The following LRP1B variants were observed in gnomAD, a reference collection of about 807,000 sequenced individuals.
The protein encoded by LRP1B is low-density lipoprotein receptor-related protein 1B.
Under a neutral mutation model 556.6 loss-of-function variants are expected in LRP1B, and 217 were observed. The observed-to-expected ratio is 0.39, with a 90% CI of 0.35 to 0.44. The LOEUF (loss-of-function observed/expected upper bound fraction) is 0.44. Among genes scored for constraint, LRP1B ranks in the 20% least tolerant of loss-of-function variants. The pLI, the probability that LRP1B is intolerant of heterozygous loss-of-function variation, is 1.00. For synonymous variants in LRP1B, 2,047 were observed against 1,865.8 expected, an observed-to-expected ratio of 1.10 and a Z score of -2.50; for missense variants, 5,053 against 5,620.8, an observed-to-expected ratio of 0.90 and a Z score of 3.23.
At chr2:140,878,341 G>A (rs755579313) in intron 25 of LRP1B, among the ~76,000 whole-genome samples, 3 of 152,012 alleles carry the variant, frequency 2.0e-5, no homozygotes, top group Non-Finnish European at 2.9e-5. Flanking sequence ...AGATAAGATT[G>A]TTTTGTATAA....
chr2:141,424,252 T>TACA (rs759500001), intron 3 of LRP1B, among the ~76,000 whole-genome samples: 2 of 152,072 alleles, frequency 1.3e-5, no homozygotes, highest in African/African-American at 2.4e-5. Context: ...TAGCTGGGAT[T>TACA]ACAGGCATGC....
At chr2:140,781,343 C>A (rs1292281957) in intron 32 of LRP1B, among the ~76,000 whole-genome samples, 1 of 152,166 alleles carries the variant, frequency 6.6e-6, no homozygotes, top group African/African-American at 2.4e-5. Flanking sequence ...GCTTAAGATT[C>A]TTCAAAGCCT....
chr2:140,917,182 C>T (rs568519090), intron 21 of LRP1B, among the ~76,000 whole-genome samples: 2 of 152,178 alleles, frequency 1.3e-5, no homozygotes, highest in African/African-American at 4.8e-5. Context: ...AAATCTGGAA[C>T]AGTAACAACA....
At chr2:140,808,531 T>A (rs1226455626) in intron 32 of LRP1B, among the ~76,000 whole-genome samples, 1 of 152,098 alleles carries the variant, frequency 6.6e-6, no homozygotes, top group African/African-American at 2.4e-5. Context: ...CCCATAAACT[T>A]CCTTATCTAT....
At chr2:142,012,749 T>C (rs1702995623) in intron 1 of LRP1B, among the ~76,000 whole-genome samples, 2 of 152,180 alleles carry the variant, frequency 1.3e-5, no homozygotes, top group South Asian at 4.1e-4. Flanking sequence ...TAATCTACTC[T>C]TAGAAATTAA....
At chr2:141,254,161 A>G (rs1345634204) in intron 4 of LRP1B, among the ~76,000 whole-genome samples, 1 of 152,130 alleles carries the variant, frequency 6.6e-6, no homozygotes, top group Non-Finnish European at 1.5e-5. Context: ...ACATTACATG[A>G]TTAGCAATTA....
chr2:140,533,898 A>G (rs1690829544), intron 47 of LRP1B, 123 bp downstream of exon 47: 2 of 991,630 alleles, frequency 2.0e-6, no homozygotes, highest in East Asian at 5.2e-5. Flanking sequence ...AGCATTTACC[A>G]AAGTGTGATC....
intron 6 of LRP1B, among the ~76,000 whole-genome samples, chr2:141,214,781 C>T (rs1363472725): frequency 6.6e-6 from 1 of 152,190 alleles, no homozygotes; most frequent in African/African-American, 2.4e-5. Context: ...GAATAAAAGC[C>T]GGTAGTCACT....
rs34597866 is a variant in LRP1B at position 140,375,173 on chromosome 2, ATGTGTGTGTGTGTGTG to A, written c.10639-2052_10639-2037del. ...ACTCATTGATTTTTATACTGTGTGT[ATGTGTGTGTGTGTGTG>A]TGTGTGTGTGTGTGTGTGTTTTAAT... On this transcript the variant is annotated intron_variant, in intron 68 of 90. Transcript: ENST00000389484. 5.9e-3 allele frequency among the ~76,000 whole-genome samples: 851 copies of A among 144,224 alleles called. 6 individuals are homozygous for A. The highest frequency in any genetic ancestry group is 0.021 in the African/African-American group (824 of 39,590). 94.6% of individuals were successfully genotyped at this position (144,224 alleles called of 152,430 possible). A position where few individuals can be genotyped will look rare whatever the true frequency, so the allele number is the denominator to read the frequency against.
At chr2:140,251,844 T>A (rs1232903842) in intron 86 of LRP1B, among the ~76,000 whole-genome samples, 3 of 151,502 alleles carry the variant, frequency 2.0e-5, no homozygotes, top group Admixed American at 1.3e-4. Context: ...GGATTTTGCA[T>A]AATGGTGAAG....
intron 1 of LRP1B, among the ~76,000 whole-genome samples, chr2:142,066,667 C>T (rs141927404): frequency 3.3e-5 from 5 of 151,554 alleles, no homozygotes; most frequent in South Asian, 2.1e-4. Context: ...CATTGACTTC[C>T]GTATTTCTAC....
At chr2:141,321,181 T>C (rs1687224373) in intron 3 of LRP1B, among the ~76,000 whole-genome samples, 1 of 152,114 alleles carries the variant, frequency 6.6e-6, no homozygotes, top group Non-Finnish European at 1.5e-5. Context: ...ACCTCAGTAC[T>C]CTTGAAGCTT....
At chr2:140,395,935 T>TG (rs200270337) in intron 66 of LRP1B, among the ~76,000 whole-genome samples, 1,852 of 151,898 alleles carry the variant, frequency 0.012, 18 homozygotes, top group Non-Finnish European at 0.019. Flanking sequence ...ATGAAGTGAG[T>TG]GGGGGGGAAG....
At chr2:141,803,650 A>G (rs2164698) in intron 2 of LRP1B, among the ~76,000 whole-genome samples, 37,284 of 151,924 alleles carry the variant, frequency 0.25, 4,768 homozygotes, top group African/African-American at 0.31. Context: ...CTAAATCACC[A>G]TTACTTAGAA....
At chr2:140,933,476 T>G (rs1007837320) in intron 20 of LRP1B, among the ~76,000 whole-genome samples, 1 of 152,070 alleles carries the variant, frequency 6.6e-6, no homozygotes, top group Non-Finnish European at 1.5e-5. Context: ...TCATTAATCA[T>G]AACTTGAGAA....
chr2:140,674,301 C>T (rs190433367), intron 41 of LRP1B, among the ~76,000 whole-genome samples: 8 of 152,268 alleles, frequency 5.3e-5, no homozygotes, highest in African/African-American at 1.9e-4. Context: ...ATAACATAAC[C>T]AGCTCTTTCT....
chr2:140,313,775 G>T (rs1393631240), intron 83 of LRP1B, among the ~76,000 whole-genome samples: 1 of 151,708 alleles, frequency 6.6e-6, no homozygotes, highest in African/African-American at 2.4e-5. Flanking sequence ...AATTTTTTCT[G>T]TAGTAACAGA....
chr2:140,943,861 C>T (rs1695469402), intron 20 of LRP1B, among the ~76,000 whole-genome samples: 1 of 151,800 alleles, frequency 6.6e-6, no homozygotes, highest in Non-Finnish European at 1.5e-5. Context: ...ACATAAGGAA[C>T]TAGAAAATCA....
intron 87 of LRP1B, among the ~76,000 whole-genome samples, chr2:140,242,918 T>C (rs1047945814): frequency 6.6e-6 from 1 of 151,216 alleles, no homozygotes; most frequent in Non-Finnish European, 1.5e-5. Context: ...GAACATCTAC[T>C]GAATTTATTG....
Sources: gnomAD v4.1 joint callset for allele counts (sites outside exome capture counted in the v4.1 genomes callset) on GRCh38, gnomAD v4.1.1 for gene constraint, MANE v1.5 for transcripts, NCBI Gene and HGNC (gene_info 2026-07-23, HGNC 2026-07-21) for gene names.